Variants in SGCG observed in about 807,000 individuals in gnomAD.
The protein encoded by SGCG is sarcoglycan gamma.
Under a neutral mutation model 29.3 loss-of-function variants are expected in SGCG, and 26 were observed. The observed-to-expected ratio is 0.89, with a 90% CI of 0.65 to 1.23. The LOEUF (loss-of-function observed/expected upper bound fraction) is 1.23. SGCG is among the 50% of genes most tolerant of loss of function. The probability of loss-of-function intolerance (pLI) is 0.00; values close to 1 mark genes in which losing one functional copy is unlikely to be tolerated. For synonymous variants in SGCG, 145 were observed against 129.7 expected (o/e 1.12, Z -0.80); for missense variants, 353 against 356.0 (o/e 0.99, Z 0.07).
At chr13:23,232,322 TC>T (rs1879144646) in intron 2 of SGCG, among the ~76,000 whole-genome samples, 1 of 152,222 alleles carries the variant, frequency 6.6e-6, no homozygotes, top group South Asian at 2.1e-4. Context: ...ACTGATGATG[TC>T]TTTGAAAGTA....
At chr13:23,307,426 C>T (rs766234863) in intron 6 of SGCG, among the ~76,000 whole-genome samples, 2 of 151,942 alleles carry the variant, frequency 1.3e-5, no homozygotes, top group Admixed American at 6.6e-5. Context: ...TTATATTTTT[C>T]GTGAGTTAAA....
At chr13:23,259,542 C>T (rs1010817280) in intron 4 of SGCG, among the ~76,000 whole-genome samples, 2 of 152,062 alleles carry the variant, frequency 1.3e-5, no homozygotes, top group African/African-American at 4.8e-5. Context: ...TTTCTATCTC[C>T]CTCAGTTCTG....
intron 7 of SGCG, 83 bp downstream of exon 7, chr13:23,320,843 A>C: frequency 7.1e-7 from 1 of 1,401,520 alleles, no homozygotes; most frequent in Non-Finnish European, 1.0e-6. Flanking sequence ...ATCAGTATTA[A>C]ATTTCTAGTA....
chr13:23,314,765 G>A (rs1308180174), intron 6 of SGCG, among the ~76,000 whole-genome samples: 1 of 152,086 alleles, frequency 6.6e-6, no homozygotes, highest in Non-Finnish European at 1.5e-5. Flanking sequence ...TAGGGGTCCT[G>A]TGGTGTGGGG....
intron 1 of SGCG, among the ~76,000 whole-genome samples, chr13:23,196,617 A>AT (rs71185057): frequency 0.23 from 35,580 of 151,706 alleles, 4,362 homozygotes; most frequent in Middle Eastern, 0.33. Flanking sequence ...GTTTTATTGG[A>AT]TTTTTTTCTG....
intron 4 of SGCG, among the ~76,000 whole-genome samples, chr13:23,257,088 G>A (rs1005519396): frequency 6.6e-6 from 1 of 152,126 alleles, no homozygotes; most frequent in Non-Finnish European, 1.5e-5. Context: ...GTGTGAAATG[G>A]TATCTCTTTG....
At position 23,207,680 on chromosome 13, in the gene SGCG, A is replaced by G. The variant is rs143328255; in HGVS notation, c.195+3791A>G. On this transcript the variant is annotated intron_variant, in intron 2 of 7. Transcript: ENST00000218867. ...ATCAGAACAGACATTTCTCCAAAGA[A>G]GACATACAATGGCCAAAGTGTTCAG... 5.1e-3 allele frequency among the ~76,000 whole-genome samples: 781 copies of G among 152,266 alleles called. 13 individuals are homozygous for G. The highest frequency in any genetic ancestry group is 4.9e-3 in the Non-Finnish European group (336 of 67,984).
upstream of SGCG, among the ~76,000 whole-genome samples, chr13:23,176,502 TC>T (rs1182988534): frequency 6.6e-6 from 1 of 152,176 alleles, no homozygotes; most frequent in Non-Finnish European, 1.5e-5. Context: ...ACCATTTTAA[TC>T]TTTTTTTTAT....
At chr13:23,257,525 T>C (rs1478437769) in intron 4 of SGCG, among the ~76,000 whole-genome samples, 2 of 152,218 alleles carry the variant, frequency 1.3e-5, no homozygotes, top group Non-Finnish European at 2.9e-5. Context: ...TAGTTTCTTT[T>C]GCTGTGCAGA....
At chr13:23,305,630 C>T (rs1882336320) in intron 6 of SGCG, among the ~76,000 whole-genome samples, 1 of 152,188 alleles carries the variant, frequency 6.6e-6, no homozygotes, top group Non-Finnish European at 1.5e-5. Flanking sequence ...TCTGGTATTT[C>T]TCCATTAACC....
At chr13:23,260,746 G>A (rs1463240412) in intron 4 of SGCG, among the ~76,000 whole-genome samples, 1 of 151,822 alleles carries the variant, frequency 6.6e-6, no homozygotes, top group Non-Finnish European at 1.5e-5. Flanking sequence ...GCTTTGTGGT[G>A]ACAAAATCTC....
chr13:23,192,701 G>C (rs1877326140), intron 1 of SGCG, among the ~76,000 whole-genome samples: 1 of 152,230 alleles, frequency 6.6e-6, no homozygotes, highest in East Asian at 1.9e-4. Context: ...CGGCTGGTAG[G>C]GTCTTTATTA....
In SGCG at chr13:23,295,264, C is replaced by T. The variant is rs1230455153; in HGVS notation, c.506-151C>T. 4 of 708,048 alleles carry T rather than the reference C, an allele frequency of 5.6e-6. No homozygotes were observed. In the Admixed American group the frequency reaches 8.3e-5, roughly 15 times the overall value. The allele number at this position is 708,048 out of a possible 1,614,324, so 43.9% of individuals were successfully genotyped here. On this transcript the variant is annotated intron_variant, in intron 5 of 7. Coordinates refer to ENST00000218867, the MANE Select transcript of SGCG (RefSeq NM_000231.3). ...TCAGAAAAGTAGGGAAAGAGTTGGG[C>T]CTATTTTTCTACCTGTAACTCAAAC...
In SGCG at chr13:23,219,762, TTG is replaced by T. The variant is rs200207705; in HGVS notation, c.196-14848_196-14847del. ...CATACACAATTATTATTTTTTTTTT[TTG>T]AGATGGAGTCTGGCTCTGTCTGATA... On this transcript the variant is annotated intron_variant, in intron 2 of 7. Transcript: ENST00000218867. 5.5e-4 allele frequency among the ~76,000 whole-genome samples: 81 copies of T among 146,156 alleles called. 3 individuals carry two copies. In the South Asian group the frequency reaches 0.017, roughly 31 times the overall value.
chr13:23,273,171 A>G (rs1202450869), intron 4 of SGCG, among the ~76,000 whole-genome samples: 1 of 140,604 alleles, frequency 7.1e-6, no homozygotes, highest in African/African-American at 2.6e-5. Context: ...AGGCTTTTGA[A>G]TTACGAACTT....
intron 2 of SGCG, among the ~76,000 whole-genome samples, chr13:23,215,263 T>G (rs944724539): frequency 3.9e-5 from 6 of 152,204 alleles, no homozygotes; most frequent in African/African-American, 1.4e-4. Flanking sequence ...TCTATTCACT[T>G]TCTTCCCATT....
At position 23,324,425 on chromosome 13, in the gene SGCG, C is replaced by A; in HGVS notation, c.760C>A (p.Pro254Thr). ...LPKLVQGTWG[P>T]SGSSQSLYEI... ...CAAGCTGGTGCAGGGGACGTGGGGT[C>A]CCTCTGGCAGCTCACAGAGCCTCTA... Residue 254 changes from proline to threonine, a missense_variant, in exon 8 of 8, where the codon CCC becomes ACC. Transcript: ENST00000218867. The A allele has an allele frequency of 6.2e-7, 1 of 1,614,146 alleles. No homozygotes were observed. Among genetic ancestry groups the A allele is most frequent in the Non-Finnish European group, 8.5e-7 (1 of 1,180,024 alleles).
At chr13:23,296,318 C>T (rs1343486041) in intron 6 of SGCG, among the ~76,000 whole-genome samples, 1 of 152,174 alleles carries the variant, frequency 6.6e-6, no homozygotes, top group Non-Finnish European at 1.5e-5. Context: ...AAGATATATG[C>T]ACTATTAGTA....
chr13:23,322,044 T>C (rs1026686156), intron 7 of SGCG, among the ~76,000 whole-genome samples: 1 of 152,226 alleles, frequency 6.6e-6, no homozygotes, highest in Non-Finnish European at 1.5e-5. Flanking sequence ...TATTTATAGA[T>C]TTGTGCAAAC....
Sources: allele counts gnomAD v4.1 joint callset (sites outside exome capture counted in the v4.1 genomes callset), GRCh38; gene constraint gnomAD v4.1.1; transcripts MANE v1.5; gene names NCBI Gene and HGNC (gene_info 2026-07-23, HGNC 2026-07-21).